The following KLRD1 variants were observed in gnomAD, a reference collection of about 807,000 sequenced individuals.
The protein encoded by KLRD1 is killer cell lectin like receptor D1, also known as natural killer cells antigen CD94.
KLRD1 carries 21 observed loss-of-function variants against 22.6 expected under a neutral mutation model. The observed-to-expected ratio is 0.93, with a 90% CI of 0.66 to 1.34. KLRD1 has a LOEUF of 1.34. Among genes scored for constraint, KLRD1 ranks in the 40% most tolerant of loss-of-function variants. The pLI is 0.00. For missense variants in KLRD1, 183 were observed against 208.6 expected (o/e 0.88, Z 0.76); for synonymous variants, 59 against 71.1 (o/e 0.83, Z 0.85).
chr12:10,291,663 C>G (rs1264205260), intron 1 of KLRD1, among the ~76,000 whole-genome samples: 1 of 149,204 alleles, frequency 6.7e-6, no homozygotes, highest in Non-Finnish European at 1.5e-5. Context: ...CCAGGATACA[C>G]AAGCAGAACG....
intron 1 of KLRD1, among the ~76,000 whole-genome samples, chr12:10,267,136 T>C (rs1949508257): frequency 6.6e-6 from 1 of 150,414 alleles, no homozygotes; most frequent in Non-Finnish European, 1.5e-5. Context: ...TGTGTTAATA[T>C]ATTTCAATAT....
In KLRD1 at chr12:10,314,710, A is replaced by G. The variant is rs111639703; in HGVS notation, c.457A>G (p.Ile153Val). 676 of 1,594,738 alleles carry G rather than the reference A, an allele frequency of 4.2e-4. 1 individual carries two copies. In the African/African-American group the frequency reaches 8.2e-3, roughly 19 times the overall value. The change falls in exon 6 of 6, where the codon ATA (isoleucine) becomes GTA (valine). Residue 153 changes from isoleucine to valine, a missense_variant. Transcript: ENST00000336164. ...SFETFNTKNC[I>V]AYNPNGNALD... ...TGAAACTTTTAATACAAAGAACTGCATAGCGTATAATCCAAATGGAAATGC... is the reference window on the plus strand; with the variant it reads ...TGAAACTTTTAATACAAAGAACTGCGTAGCGTATAATCCAAATGGAAATGC...
chr12:10,247,967 T>A (rs895516119), intron 1 of KLRD1, among the ~76,000 whole-genome samples: 1 of 152,316 alleles, frequency 6.6e-6, no homozygotes, highest in Non-Finnish European at 1.5e-5. Flanking sequence ...TACGGACTAA[T>A]ACATATTGTT....
At chr12:10,286,386 T>C (rs955072425) in intron 1 of KLRD1, among the ~76,000 whole-genome samples, 4 of 152,238 alleles carry the variant, frequency 2.6e-5, no homozygotes, top group Non-Finnish European at 5.9e-5. Context: ...TATATGTTTA[T>C]ACATTAAACC....
At chr12:10,244,802 CAAA>C (rs368087177) in intron 1 of KLRD1, among the ~76,000 whole-genome samples, 23 of 63,012 alleles carry the variant, frequency 3.7e-4, no homozygotes, top group East Asian at 0.062. Flanking sequence ...AACAAACAAA[CAAA>C]AAAAAAACCA....
At chr12:10,288,657 A>G (rs1347227468) in intron 1 of KLRD1, among the ~76,000 whole-genome samples, 1 of 152,202 alleles carries the variant, frequency 6.6e-6, no homozygotes, top group African/African-American at 2.4e-5. Context: ...TTATAAAATA[A>G]TCAAACACAG....
At chr12:10,250,400 C>T (rs970539758) in intron 1 of KLRD1, among the ~76,000 whole-genome samples, 1 of 152,068 alleles carries the variant, frequency 6.6e-6, no homozygotes, top group African/African-American at 2.4e-5. Flanking sequence ...TGTAGCTAGA[C>T]AAAGAGAAGG....
intron 1 of KLRD1, among the ~76,000 whole-genome samples, chr12:10,240,049 T>C (rs1949226500): frequency 1.3e-5 from 2 of 151,662 alleles, no homozygotes; most frequent in African/African-American, 4.8e-5. Context: ...TCCGGGATAA[T>C]CATTTCTACT....
intron 1 of KLRD1, among the ~76,000 whole-genome samples, chr12:10,285,988 A>C (rs528083444): frequency 2.0e-4 from 31 of 152,060 alleles, no homozygotes; most frequent in Middle Eastern, 3.4e-3. Flanking sequence ...AATTGCTTCA[A>C]CTCCCAATAT....
At position 10,328,913 on chromosome 12, in the gene KLRD1, G is replaced by A. The variant is rs775666962; in HGVS notation, c.*14120G>A. 6.6e-6 allele frequency: 1 copy of A among 152,042 alleles called. No homozygotes were observed. Among genetic ancestry groups the A allele is most frequent in the Non-Finnish European group, 1.5e-5 (1 of 68,040 alleles). The allele number at this position is 152,042 out of a possible 1,614,324, so 9.4% of individuals were successfully genotyped here. ...AGAGAATGAAAGCCAAGCCAAAGGG[G>A]GTTTCCCCTTATAAAACCATCTGAT... is the stretch of plus-strand genomic sequence containing the variant. On this transcript the variant is annotated 3_prime_UTR_variant, in exon 6 of 6. Coordinates refer to ENST00000336164, the MANE Select transcript of KLRD1 (RefSeq NM_002262.5).
intron 1 of KLRD1, among the ~76,000 whole-genome samples, chr12:10,255,122 G>C (rs1006504187): frequency 7.5e-6 from 1 of 133,384 alleles, no homozygotes; most frequent in Non-Finnish European, 1.6e-5. Flanking sequence ...CAGAGAAAAG[G>C]GAATATTTAT....
In KLRD1 at chr12:10,324,880, G is replaced by A. The variant is rs181059914; in HGVS notation, c.*10087G>A. 567 of 115,192 alleles carry A rather than the reference G, an allele frequency of 4.9e-3. 9 individuals carry two copies. Among genetic ancestry groups the A allele is most frequent in the African/African-American group, 0.017 (540 of 32,362 alleles). 7.1% of individuals were successfully genotyped at this position (115,192 alleles called of 1,614,324 possible). On this transcript the variant is annotated 3_prime_UTR_variant, in exon 6 of 6. Coordinates refer to ENST00000336164, the MANE Select transcript of KLRD1 (RefSeq NM_002262.5). ...GTTGATTCTAAGTGTATCTTTTATT[G>A]TTTAACCTGCCTAAATTCACTTATC...
At chr12:10,306,069 C>T (rs1291934557), upstream of KLRD1, among the ~76,000 whole-genome samples, 3 of 151,782 alleles carry the variant, frequency 2.0e-5, no homozygotes, top group African/African-American at 7.3e-5. Context: ...CTCGGTAGGC[C>T]GAGGCAGGAG....
intron 1 of KLRD1, among the ~76,000 whole-genome samples, chr12:10,286,903 C>T (rs990471742): frequency 2.6e-5 from 4 of 151,786 alleles, no homozygotes; most frequent in Admixed American, 6.6e-5. Context: ...CTCTGGGAGG[C>T]GAGGCAGGGG....
At chr12:10,265,806 A>G (rs11053720) in intron 1 of KLRD1, among the ~76,000 whole-genome samples, 19,061 of 152,244 alleles carry the variant, frequency 0.13, 1,998 homozygotes, top group East Asian at 0.45. Context: ...TACATCTGAT[A>G]TTTACGACCT....
intron 1 of KLRD1, among the ~76,000 whole-genome samples, chr12:10,239,474 C>T (rs1391141598): frequency 1.0e-4 from 9 of 87,328 alleles, no homozygotes; most frequent in East Asian, 3.7e-4. Flanking sequence ...TCCTTCCTTC[C>T]TTCCTTCCTT....
intron 1 of KLRD1, among the ~76,000 whole-genome samples, chr12:10,273,318 A>T (rs1271437425): frequency 6.6e-6 from 1 of 152,232 alleles, no homozygotes; most frequent in African/African-American, 2.4e-5. Context: ...GGTAGAAAGA[A>T]TTCTATAATT....
intron 1 of KLRD1, among the ~76,000 whole-genome samples, chr12:10,295,971 G>A (rs1249937561): frequency 6.6e-6 from 1 of 152,084 alleles, no homozygotes; most frequent in African/African-American, 2.4e-5. Flanking sequence ...CAATTAAACT[G>A]CTTTGAATCA....
chr12:10,311,663 A>T (rs750387104), intron 4 of KLRD1, 48 bp downstream of exon 4: 10 of 1,578,270 alleles, frequency 6.3e-6, no homozygotes, highest in South Asian at 1.1e-5. Flanking sequence ...CTAGAAAAAT[A>T]TACTATCTAA....
Sources: allele counts gnomAD v4.1 joint callset (sites outside exome capture counted in the v4.1 genomes callset), GRCh38; gene constraint gnomAD v4.1.1; transcripts MANE v1.5; gene names NCBI Gene and HGNC (gene_info 2026-07-23, HGNC 2026-07-21).